RAB28: variants seen among roughly 807,000 people sequenced by gnomAD.
RAB28 encodes RAB28, member RAS oncogene family.
In RAB28, 24 loss-of-function variants were observed where a neutral mutation model predicts 31.7. The observed-to-expected ratio is 0.76, with a 90% CI of 0.55 to 1.06. RAB28 has a LOEUF of 1.06. Ranked by LOEUF, RAB28 falls within the 50% of genes least tolerant of loss-of-function variation. The pLI is 0.00. For synonymous variants in RAB28, 100 were observed against 90.4 expected (o/e 1.11, Z -0.60); for missense variants, 254 against 258.5 (o/e 0.98, Z 0.12).
intron 4 of RAB28, among the ~76,000 whole-genome samples, chr4:13,454,033 T>C (rs1715154515): frequency 6.6e-6 from 1 of 152,128 alleles, no homozygotes; most frequent in South Asian, 2.1e-4. Context: ...TTTTTTTTCT[T>C]TTTTTAGTTA....
chr4:13,454,842 T>C (rs1349697185), intron 4 of RAB28, among the ~76,000 whole-genome samples: 4 of 152,164 alleles, frequency 2.6e-5, no homozygotes, highest in African/African-American at 7.2e-5. Context: ...TAAGGTCCAG[T>C]ACATGGCTAC....
At chr4:13,442,295 A>G (rs546477576) in intron 4 of RAB28, among the ~76,000 whole-genome samples, 1 of 152,254 alleles carries the variant, frequency 6.6e-6, no homozygotes, top group South Asian at 2.1e-4. Context: ...TTTGTACCTC[A>G]ACCAAAAACA....
At chr4:13,482,394 G>A (rs536586580) in intron 1 of RAB28, among the ~76,000 whole-genome samples, 1 of 152,208 alleles carries the variant, frequency 6.6e-6, no homozygotes, top group South Asian at 2.1e-4. Flanking sequence ...ATAGCATATA[G>A]GATAACCAGC....
intron 3 of RAB28, among the ~76,000 whole-genome samples, chr4:13,472,267 C>A (rs1211996276): frequency 6.6e-6 from 1 of 151,914 alleles, no homozygotes; most frequent in African/African-American, 2.4e-5. Context: ...CCCACCTGTG[C>A]CTCTCAGTTA....
intron 4 of RAB28, among the ~76,000 whole-genome samples, chr4:13,440,405 C>T (rs925720801): frequency 1.3e-5 from 2 of 151,996 alleles, no homozygotes; most frequent in Non-Finnish European, 2.9e-5. Flanking sequence ...TTAATTTGCA[C>T]AGCATCTGTA....
intron 4 of RAB28, among the ~76,000 whole-genome samples, chr4:13,399,110 G>A (rs938177171): frequency 2.0e-5 from 3 of 152,076 alleles, no homozygotes; most frequent in South Asian, 2.1e-4. Context: ...TTATATACGG[G>A]CACACATCTA....
chr4:13,370,451 C>G, intron 6 of RAB28: 10 of 778,048 alleles, frequency 1.3e-5, no homozygotes, highest in Non-Finnish European at 1.2e-5. Flanking sequence ...TACACAGAAT[C>G]TATTCACAAG....
chr4:13,430,551 G>A (rs1018066595), intron 4 of RAB28, among the ~76,000 whole-genome samples: 7 of 152,148 alleles, frequency 4.6e-5, no homozygotes, highest in African/African-American at 1.2e-4. Flanking sequence ...AGTACTTACC[G>A]GGAATGGAGA....
intron 4 of RAB28, among the ~76,000 whole-genome samples, chr4:13,412,819 A>G (rs1257668927): frequency 1.3e-5 from 2 of 152,186 alleles, no homozygotes; most frequent in Non-Finnish European, 2.9e-5. Context: ...AAAATAAGAA[A>G]GCAGAGATAC....
At chr4:13,379,244 G>A (rs1729040670) in intron 5 of RAB28, among the ~76,000 whole-genome samples, 1 of 150,674 alleles carries the variant, frequency 6.6e-6, no homozygotes, top group Admixed American at 6.6e-5. Context: ...CTAGGTGAGG[G>A]GAAGAGGTGA....
chr4:13,474,016 G>A (rs748272748), intron 3 of RAB28: 1 of 459,266 alleles, frequency 2.2e-6, no homozygotes, highest in Non-Finnish European at 4.2e-6. Context: ...AACAAAACCA[G>A]CTAATACATA....
Position 13,404,102 on chromosome 4 carries a change from G to A in RAB28, c.392-22508C>T, listed in dbSNP as rs1383742205. On this transcript the variant is annotated intron_variant, in intron 4 of 6. Coordinates refer to ENST00000330852, the MANE Select transcript of RAB28 (RefSeq NM_001017979.3). ...AAAAAAATAATGGATCTTCTTGGCC[G>A]GGCCAGTACCTCATGCCTCTAATCC... Among the ~76,000 whole-genome samples the A allele has an allele frequency of 5.9e-5, 9 of 152,156 alleles. No individual in the cohort carries two copies. In the South Asian group the frequency reaches 8.3e-4, roughly 14 times the overall value.
Position 13,474,837 on chromosome 4 carries a change from C to T in RAB28, c.173-431G>A, listed in dbSNP as rs537880546. ...CTGTCGTAGGTTCTAAACTCTATGG[C>T]TTCTAAAACTCATGGAATAATAGCA... On this transcript the variant is annotated intron_variant, in intron 2 of 6. Transcript: ENST00000330852. Among the ~76,000 whole-genome samples, 8 of 151,678 alleles carry T rather than the reference C, an allele frequency of 5.3e-5. No individual in the cohort carries two copies. The South Asian group carries it at 1.2e-3, about 24-fold the overall frequency.
intron 4 of RAB28, among the ~76,000 whole-genome samples, chr4:13,435,164 C>G (rs1413672418): frequency 6.7e-6 from 1 of 149,808 alleles, no homozygotes; most frequent in African/African-American, 2.5e-5. Flanking sequence ...AAAAAAAATC[C>G]AAAAATTACT....
intron 3 of RAB28, among the ~76,000 whole-genome samples, chr4:13,467,590 A>T (rs888948950): frequency 6.6e-6 from 1 of 151,968 alleles, no homozygotes; most frequent in Admixed American, 6.6e-5. Context: ...TCATTTAAAC[A>T]CTAAATTTAG....
chr4:13,473,808 T>C, intron 3 of RAB28: 2 of 369,936 alleles, frequency 5.4e-6, no homozygotes, highest in Non-Finnish European at 1.1e-5. Context: ...TAAATTATTG[T>C]ATGTGTTTCA....
intron 4 of RAB28, among the ~76,000 whole-genome samples, chr4:13,460,319 T>C (rs1390030978): frequency 6.6e-6 from 1 of 152,226 alleles, no homozygotes; most frequent in Non-Finnish European, 1.5e-5. Flanking sequence ...CCTTCTTGCC[T>C]ATCCTCACAT....
At chr4:13,466,281 T>A (rs1167647298) in intron 3 of RAB28, among the ~76,000 whole-genome samples, 1 of 151,682 alleles carries the variant, frequency 6.6e-6, no homozygotes, top group Non-Finnish European at 1.5e-5. Context: ...AGAGACAACC[T>A]ACAAATTAAA....
intron 4 of RAB28, among the ~76,000 whole-genome samples, chr4:13,408,694 C>T (rs2108907250): frequency 6.6e-6 from 1 of 152,198 alleles, no homozygotes; most frequent in South Asian, 2.1e-4. Context: ...AAGTGATTGG[C>T]TGTATGAGAT....
Sources: allele counts gnomAD v4.1 joint callset (sites outside exome capture counted in the v4.1 genomes callset), GRCh38; gene constraint gnomAD v4.1.1; transcripts MANE v1.5; gene names NCBI Gene and HGNC (gene_info 2026-07-23, HGNC 2026-07-21).